Variants in SMPDL3B observed in about 807,000 individuals in gnomAD.
SMPDL3B encodes sphingomyelin phosphodiesterase acid like 3B.
A neutral mutation model predicts 37.9 loss-of-function variants in SMPDL3B; 31 were observed. The observed-to-expected ratio is 0.82, with a 90% CI of 0.61 to 1.10. The LOEUF (loss-of-function observed/expected upper bound fraction) is 1.10, where lower values mean the gene tolerates loss of function less well. Among genes scored for constraint, SMPDL3B ranks in the 50% least tolerant of loss-of-function variants. The probability of loss-of-function intolerance (pLI) is 0.00; values close to 1 mark genes in which losing one functional copy is unlikely to be tolerated. For missense variants in SMPDL3B, 525 were observed against 597.8 expected (o/e 0.88, Z 1.27); for synonymous variants, 235 against 242.6 (o/e 0.97, Z 0.29).
intron 1 of SMPDL3B, among the ~76,000 whole-genome samples, chr1:27,940,396 A>G (rs2090346883): frequency 6.6e-6 from 1 of 152,124 alleles, no homozygotes; most frequent in South Asian, 2.1e-4. Context: ...GGGGCCTTGT[A>G]GAACCCCCCA....
intron 2 of SMPDL3B, among the ~76,000 whole-genome samples, chr1:27,948,455 C>T (rs2148677633): frequency 6.6e-6 from 1 of 152,280 alleles, no homozygotes; most frequent in South Asian, 2.1e-4. Flanking sequence ...TGCCACCATT[C>T]TCCTCCCCTT....
rs1638252908 is a variant in SMPDL3B, at chr1:27,955,989, C to T, written c.912C>T (p.Thr304=). Residue 304 remains threonine (T), a synonymous_variant, in exon 7 of 8, where the codon ACC becomes ACT. Transcript: ENST00000373894. ...CCATGTTCATCACACCTGGAGTCAC[C>T]CCATGGAAAACCACATTACCTGGAG... ...ISAMFITPGV[T]PWKTTLPGVV... 6.2e-7 allele frequency: 1 copy of T among 1,613,960 alleles called. No homozygotes were observed.
rs2090394972 is a variant in SMPDL3B, at chr1:27,945,113, G to C, written c.62-119G>C. 1.8e-5 allele frequency: 16 copies of C among 892,020 alleles called. No individual in the cohort carries two copies. Among genetic ancestry groups the C allele is most frequent in the Non-Finnish European group, 2.7e-5 (15 of 561,842 alleles). The allele number at this position is 892,020 out of a possible 1,614,324, so 55.3% of individuals were successfully genotyped here. A position where few individuals can be genotyped will look rare whatever the true frequency, so the allele number is the denominator to read the frequency against. ...CTTTTCTCTGAACCCGGGGTGCTCA[G>C]AGAAGACTTCCATTTGCCTGTGTAA... On this transcript the variant is annotated intron_variant, in intron 1 of 7. Coordinates refer to ENST00000373894, the MANE Select transcript of SMPDL3B (RefSeq NM_014474.4). This position sits in a 1 kb window ranked among gnomAD's most constrained non-coding sequence, Gnocchi z 4.0.
chr1:27,948,997 T>C, intron 2 of SMPDL3B, 68 bp from the exon 3 acceptor site: 3 of 1,610,500 alleles, frequency 1.9e-6, no homozygotes, highest in Admixed American at 1.7e-5. Flanking sequence ...ACTGCAGAGC[T>C]GTCCCTTCCT....
rs35543061 is a variant in SMPDL3B at position 27,947,038 on chromosome 1, A to ATTT, written c.275+1606_275+1608dup. ...ATTCATGATCCTTTAACAGATGCAC[A>ATTT]TTTTTTTTTTTTTTTGAGATGGAGT... On this transcript the variant is annotated intron_variant, in intron 2 of 7. Transcript: ENST00000373894. 8.6e-3 allele frequency among the ~76,000 whole-genome samples: 1,223 copies of ATTT among 142,100 alleles called. 11 individuals carry two copies. Among genetic ancestry groups the ATTT allele is most frequent in the African/African-American group, 0.024 (923 of 38,700 alleles). 93.2% of individuals were successfully genotyped at this position (142,100 alleles called of 152,430 possible).
At chr1:27,956,933 G>A (rs529657848) in intron 7 of SMPDL3B, among the ~76,000 whole-genome samples, 1 of 152,124 alleles carries the variant, frequency 6.6e-6, no homozygotes, top group East Asian at 1.9e-4. Flanking sequence ...TGGGTATCTT[G>A]GGGAGGTGGA....
intron 1 of SMPDL3B, among the ~76,000 whole-genome samples, chr1:27,942,746 C>T (rs1442421834): frequency 1.3e-5 from 2 of 152,024 alleles, no homozygotes; most frequent in African/African-American, 2.4e-5. Context: ...TCACTGCAAC[C>T]TCCGCCTCCT....
chr1:27,954,028 G>T (rs978322230), intron 4 of SMPDL3B, among the ~76,000 whole-genome samples: 7 of 152,260 alleles, frequency 4.6e-5, no homozygotes, highest in African/African-American at 1.7e-4. Flanking sequence ...TCTTGGAAAA[G>T]ACAGCTGAGC....
At position 27,956,021 on chromosome 1, in the gene SMPDL3B, A is replaced by G. The variant is rs1019440133; in HGVS notation, c.944A>G (p.Asn315Ser). 7 of 1,613,986 alleles carry G rather than the reference A, an allele frequency of 4.3e-6. No homozygotes were observed. The highest frequency in any genetic ancestry group is 1.3e-5 in the African/African-American group (1 of 74,886). ...PWKTTLPGVV[N>S]GANNPAIRVF... The stretch of plus-strand genomic sequence containing the variant: ...AAAACCACATTACCTGGAGTGGTCA[A>G]TGGGGCCAACAATCCAGCCATCCGG... The change falls in exon 7 of 8, where the codon AAT becomes AGT. Residue 315 changes from asparagine to serine, a missense_variant. Physicochemically the swap from Asn to Ser is conservative, Grantham distance 46 (BLOSUM62 1). Transcript: ENST00000373894.
chr1:27,957,837 T>C (rs182088420), intron 7 of SMPDL3B, among the ~76,000 whole-genome samples: 3 of 152,290 alleles, frequency 2.0e-5, no homozygotes, highest in African/African-American at 7.2e-5. Flanking sequence ...CCTCACTTGC[T>C]TCATCTGTAA....
At chr1:27,948,091 A>G (rs2090425686) in intron 2 of SMPDL3B, among the ~76,000 whole-genome samples, 1 of 152,120 alleles carries the variant, frequency 6.6e-6, no homozygotes, top group Non-Finnish European at 1.5e-5. Flanking sequence ...ACTGGGCTCA[A>G]ATCTTGGCCC....
chr1:27,954,750 G>A (rs1344178745), intron 5 of SMPDL3B, among the ~76,000 whole-genome samples: 3 of 152,158 alleles, frequency 2.0e-5, no homozygotes, highest in African/African-American at 7.2e-5. Context: ...GAGTGGTGAC[G>A]GTCCCAAGTC....
In SMPDL3B at chr1:27,935,221, G is replaced by A. The variant is rs145732261; in HGVS notation, c.38G>A (p.Trp13Ter). Reference protein sequence around the residue: ...LLAWLIFLANWGGARAEPGKF... With the variant: ...LLAWLIFLAN ...GCCTGGCTGATTTTCCTGGCTAACT[G>A]GGGAGGTGCCAGGGCTGAACCAGGT... Residue 13 changes from tryptophan to a stop codon, truncating the protein, a stop_gained, in exon 1 of 8, where the codon TGG becomes TAG. Coordinates refer to ENST00000373894, the MANE Select transcript of SMPDL3B (RefSeq NM_014474.4). LOFTEE classifies it high-confidence loss of function. 7 of 1,613,416 alleles carry A rather than the reference G, an allele frequency of 4.3e-6. No individual in the cohort carries two copies. The highest frequency in any genetic ancestry group is 1.3e-5 in the African/African-American group (1 of 74,914).
intron 3 of SMPDL3B, among the ~76,000 whole-genome samples, chr1:27,950,306 A>G (rs571771536): frequency 6.6e-6 from 1 of 152,316 alleles, no homozygotes; most frequent in Admixed American, 6.5e-5. Flanking sequence ...AGGCACCATT[A>G]TTCCCAATGT....
chr1:27,953,582 A>G (rs1003539726), intron 4 of SMPDL3B, among the ~76,000 whole-genome samples: 1 of 152,190 alleles, frequency 6.6e-6, no homozygotes, highest in African/African-American at 2.4e-5. Flanking sequence ...TCCTAAGTTC[A>G]TATTTATTGA....
chr1:27,953,857 C>T (rs1218410960), intron 4 of SMPDL3B, among the ~76,000 whole-genome samples: 1 of 152,180 alleles, frequency 6.6e-6, no homozygotes, highest in Non-Finnish European at 1.5e-5. Context: ...GCCAGAAGCA[C>T]CTGGTTGAGA....
rs116089772 is a variant in SMPDL3B at position 27,950,052 on chromosome 1, G to C, written c.373+890G>C. ...TGTGACCTCAATTTTACTGATGAGGGAGGTGAGCCTTAGGGTTAAATAAAC... is the reference window on the plus strand; with the variant it reads ...TGTGACCTCAATTTTACTGATGAGGCAGGTGAGCCTTAGGGTTAAATAAAC... On this transcript the variant is annotated intron_variant, in intron 3 of 7. Coordinates refer to ENST00000373894, the MANE Select transcript of SMPDL3B (RefSeq NM_014474.4). Among the ~76,000 whole-genome samples, 593 of 152,280 alleles carry C rather than the reference G, an allele frequency of 3.9e-3. 3 individuals carry two copies. Among genetic ancestry groups the C allele is most frequent in the African/African-American group, 0.013 (544 of 41,554 alleles).
chr1:27,944,592 A>AGTACT (rs2090390549), intron 1 of SMPDL3B, among the ~76,000 whole-genome samples: 1 of 152,040 alleles, frequency 6.6e-6, no homozygotes, highest in African/African-American at 2.4e-5. Flanking sequence ...CTGGCCTCAA[A>AGTACT]GAATCATCTT....
intron 1 of SMPDL3B, among the ~76,000 whole-genome samples, chr1:27,942,961 T>C (rs995106053): frequency 4.6e-5 from 7 of 152,222 alleles, no homozygotes; most frequent in Non-Finnish European, 7.3e-5. Context: ...TGTGCCACCA[T>C]GCCTGGCAGG....
Sources: gnomAD v4.1 joint callset for allele counts (sites outside exome capture counted in the v4.1 genomes callset) on GRCh38, gnomAD v4.1.1 for gene constraint, Gnocchi (gnomAD v3.1) non-coding constraint, MANE v1.5 for transcripts, NCBI Gene and HGNC (gene_info 2026-07-23, HGNC 2026-07-21) for gene names.